NAALADL2: variants seen among roughly 807,000 people sequenced by gnomAD.
NAALADL2 encodes the protein N-acetylated alpha-linked acidic dipeptidase like 2.
A neutral mutation model predicts 87.2 loss-of-function variants in NAALADL2; 76 were observed. The observed-to-expected ratio is 0.87, with a 90% CI of 0.72 to 1.05. NAALADL2 has a LOEUF of 1.05. Ranked by LOEUF, NAALADL2 falls within the 50% of genes least tolerant of loss-of-function variation. The pLI is 0.00. For missense variants in NAALADL2, 1,089 were observed against 945.8 expected (o/e 1.15, Z -1.99); for synonymous variants, 354 against 331.0 (o/e 1.07, Z -0.75).
chr3:175,327,296 C>G (rs1412058302), intron 5 of NAALADL2, among the ~76,000 whole-genome samples: 1 of 152,012 alleles, frequency 6.6e-6, no homozygotes, highest in Non-Finnish European at 1.5e-5. Flanking sequence ...GCTGGGACTA[C>G]AGGCGCCTGC....
At chr3:175,148,447 A>G (rs1731093367) in intron 2 of NAALADL2, among the ~76,000 whole-genome samples, 1 of 152,034 alleles carries the variant, frequency 6.6e-6, no homozygotes, top group South Asian at 2.1e-4. Context: ...TAGTTTAATT[A>G]GGTCAATTTT....
intron 1 of NAALADL2, among the ~76,000 whole-genome samples, chr3:174,486,550 C>G (rs1717871853): frequency 6.6e-6 from 1 of 151,986 alleles, no homozygotes; most frequent in Non-Finnish European, 1.5e-5. Flanking sequence ...TTGCGGTTTT[C>G]CATATGTACC....
intron 2 of NAALADL2, among the ~76,000 whole-genome samples, chr3:174,724,575 A>G (rs1732009682): frequency 6.6e-6 from 1 of 152,168 alleles, no homozygotes; most frequent in African/African-American, 2.4e-5. Context: ...AAAGGGATTT[A>G]GAAAAGTCAT....
intron 11 of NAALADL2, among the ~76,000 whole-genome samples, chr3:175,642,577 T>C (rs1729442293): frequency 6.6e-6 from 1 of 151,322 alleles, no homozygotes; most frequent in Non-Finnish European, 1.5e-5. Context: ...CTCGGCTCAC[T>C]GCAAGCTCCA....
intron 11 of NAALADL2, 39 bp from the exon 12 acceptor site, chr3:175,737,267 A>T: frequency 8.6e-7 from 1 of 1,162,024 alleles, no homozygotes; most frequent in Non-Finnish European, 1.3e-6. Flanking sequence ...ACTCCTAATT[A>T]CTGAATGCTA....
rs1040796629 is a variant in NAALADL2 at position 175,363,678 on chromosome 3, A to C, written c.1090+39353A>C. ...ATTATTTTTATATCACTCTCATTTT[A>C]CTCTATTTTCTCATGTAATTAAAAT... On this transcript the variant is annotated intron_variant, in intron 5 of 13. Transcript: ENST00000454872. 3.4e-5 allele frequency among the ~76,000 whole-genome samples: 5 copies of C among 147,270 alleles called. 1 individual carries two copies. In the Admixed American group the frequency reaches 3.5e-4, roughly 10 times the overall value.
chr3:174,896,828 CAT>C (rs1731594543), intron 1 of NAALADL2, among the ~76,000 whole-genome samples: 1 of 152,078 alleles, frequency 6.6e-6, no homozygotes, highest in Non-Finnish European at 1.5e-5. Flanking sequence ...AAAACAGACA[CAT>C]AGACCAATGG....
chr3:174,652,371 C>T (rs1724453892), intron 2 of NAALADL2, among the ~76,000 whole-genome samples: 4 of 152,104 alleles, frequency 2.6e-5, no homozygotes. Flanking sequence ...TTAGTTTGTT[C>T]TCACATTGCT....
At chr3:174,722,413 G>A (rs938751906) in intron 2 of NAALADL2, among the ~76,000 whole-genome samples, 3 of 152,080 alleles carry the variant, frequency 2.0e-5, no homozygotes, top group African/African-American at 7.2e-5. Flanking sequence ...GATTAATAAC[G>A]TAGGGTGGGC....
Position 174,679,704 on chromosome 3 carries a change from C to A in NAALADL2, c.-114-57937C>A, listed in dbSNP as rs112260766. On this transcript the variant is annotated intron_variant, in intron 2 of 3. Transcript: ENST00000434257. ...TAAATTGTGTTTACTTCAGTGGAAG[C>A]AAAGTAACAAAACTTTTTCTAAATA... Among the ~76,000 whole-genome samples the A allele has an allele frequency of 4.9e-4, 75 of 152,088 alleles. 1 individual carries two copies. The highest frequency in any genetic ancestry group is 1.8e-3 in the African/African-American group (75 of 41,500).
At chr3:174,563,903 A>T (rs1489621062) in intron 2 of NAALADL2, among the ~76,000 whole-genome samples, 1 of 152,166 alleles carries the variant, frequency 6.6e-6, no homozygotes, top group African/African-American at 2.4e-5. Context: ...TGGCTGCAAG[A>T]GAGTTCCTGC....
intron 2 of NAALADL2, among the ~76,000 whole-genome samples, chr3:174,606,708 A>G (rs1360986639): frequency 6.6e-6 from 1 of 152,218 alleles, no homozygotes; most frequent in Non-Finnish European, 1.5e-5. Flanking sequence ...TGTACCTGAA[A>G]GTGATGGGGA....
chr3:175,168,253 C>CCT (rs1734270813), intron 2 of NAALADL2, among the ~76,000 whole-genome samples: 1 of 151,684 alleles, frequency 6.6e-6, no homozygotes, highest in African/African-American at 2.4e-5. Context: ...ACAAAGGCCA[C>CCT]CTTAAGGAAT....
chr3:175,286,289 A>G (rs1258406817), intron 4 of NAALADL2, among the ~76,000 whole-genome samples: 1 of 152,164 alleles, frequency 6.6e-6, no homozygotes, highest in Non-Finnish European at 1.5e-5. Flanking sequence ...TACCAGTGGA[A>G]AAAGGAGGAG....
chr3:175,718,272 T>A (rs1741676524), intron 11 of NAALADL2: 4 of 1,524,256 alleles, frequency 2.6e-6, no homozygotes, highest in Non-Finnish European at 3.6e-6. Flanking sequence ...GAGTTTCATA[T>A]TTTCTTTAGA....
At chr3:175,440,841 T>C (rs551008952) in intron 5 of NAALADL2, among the ~76,000 whole-genome samples, 7 of 152,304 alleles carry the variant, frequency 4.6e-5, no homozygotes, top group East Asian at 1.9e-4. Context: ...AGGGCGACAG[T>C]TGGCTTCCTT....
intron 1 of NAALADL2, among the ~76,000 whole-genome samples, chr3:174,865,086 C>G (rs188411743): frequency 1.1e-3 from 171 of 152,006 alleles, no homozygotes; most frequent in African/African-American, 4.0e-3. Context: ...TCGAACACTT[C>G]GGGAGGCTCT....
At chr3:175,716,898 T>C (rs1741378816) in intron 11 of NAALADL2, among the ~76,000 whole-genome samples, 1 of 152,134 alleles carries the variant, frequency 6.6e-6, no homozygotes, top group Non-Finnish European at 1.5e-5. Flanking sequence ...GAATAATGGA[T>C]ACATTTAAAG....
At chr3:175,013,925 C>A (rs1424383340) in intron 1 of NAALADL2, among the ~76,000 whole-genome samples, 1 of 152,034 alleles carries the variant, frequency 6.6e-6, no homozygotes, top group Non-Finnish European at 1.5e-5. Flanking sequence ...ATTTAAACCT[C>A]GATCTTAGGA....
Sources: gnomAD v4.1 joint callset for allele counts (sites outside exome capture counted in the v4.1 genomes callset) on GRCh38, gnomAD v4.1.1 for gene constraint, MANE v1.5 for transcripts, NCBI Gene and HGNC (gene_info 2026-07-23, HGNC 2026-07-21) for gene names.